Variants in LAMB2 observed in about 807,000 individuals in gnomAD.
LAMB2 encodes the protein laminin subunit beta 2, also known as laminin subunit beta-2.
Under a neutral mutation model 202.7 loss-of-function variants are expected in LAMB2, and 119 were observed. The ratio of observed to expected loss-of-function variants is 0.59; its 90% CI spans 0.51 to 0.68. LAMB2 has a LOEUF of 0.68. Ranked by LOEUF, LAMB2 falls within the 30% of genes least tolerant of loss-of-function variation. The probability of loss-of-function intolerance (pLI) is 0.00; values close to 1 mark genes in which losing one functional copy is unlikely to be tolerated. For missense variants in LAMB2, 2,124 were observed against 2,410.6 expected, an observed-to-expected ratio of 0.88 and a Z score of 2.49; for synonymous variants, 818 against 902.2, an observed-to-expected ratio of 0.91 and a Z score of 1.67.
chr3:49,130,924 T>G lies in LAMB2; in HGVS notation c.915+26A>C, dbSNP rs752745835. 1 of 1,614,142 alleles carries G rather than the reference T, an allele frequency of 6.2e-7. No homozygotes were observed. Among genetic ancestry groups the G allele is most frequent in the South Asian group, 1.1e-5 (1 of 91,092 alleles). ...CCATGTCCGCCCCTGCCCCTAGCCC[T>G]ATCCCAACCGTCTGAAGCCCCTTAC... On this transcript the variant is annotated intron_variant, in intron 7 of 31. Coordinates refer to ENST00000305544, the MANE Select transcript of LAMB2 (RefSeq NM_002292.4). The surrounding 1 kb of genome is among the most constrained non-coding windows in gnomAD (Gnocchi z 5.0).
chr3:49,132,709 G>T lies in LAMB2; in HGVS notation c.77-46C>A. 1 of 1,613,812 alleles carries T rather than the reference G, an allele frequency of 6.2e-7. No individual in the cohort carries two copies. The highest frequency in any genetic ancestry group is 8.5e-7 in the Non-Finnish European group (1 of 1,179,740). The stretch of plus-strand genomic sequence containing the variant: ...AGTTCCGCTGAGTTCCTATCCAGTG[G>T]CTCCACCTCATGTGCCCCAAGGGCA... On this transcript the variant is annotated intron_variant, in intron 1 of 31. Transcript: ENST00000305544. The surrounding 1 kb of genome is among the most constrained non-coding windows in gnomAD (Gnocchi z 4.6).
chr3:49,129,409 G>T lies in LAMB2; in HGVS notation c.1519-85C>A. 7.9e-7 allele frequency: 1 copy of T among 1,272,748 alleles called. No homozygotes were observed. The highest frequency in any genetic ancestry group is 1.3e-5 in the South Asian group (1 of 79,594). The allele number at this position is 1,272,748 out of a possible 1,614,324, so 78.8% of individuals were successfully genotyped here. On this transcript the variant is annotated intron_variant, in intron 11 of 31. Coordinates refer to ENST00000305544, the MANE Select transcript of LAMB2 (RefSeq NM_002292.4). The surrounding 1 kb of genome is among the most constrained non-coding windows in gnomAD (Gnocchi z 6.1). ...CAGGAAATCCCAACCACACGTCTTA[G>T]CCTCAATCACCCCTCAGTGAAAACA... is the stretch of plus-strand genomic sequence containing the variant.
intron 15 of LAMB2, 134 bp from the exon 16 acceptor site, chr3:49,126,631 C>A: frequency 9.1e-7 from 1 of 1,103,472 alleles, no homozygotes; most frequent in Non-Finnish European, 1.3e-6. Context: ...CGTTGGGCTG[C>A]GCTAGGCCAA....
At position 49,122,022 on chromosome 3, in the gene LAMB2, C is replaced by G. The variant is rs972113910; in HGVS notation, c.4845G>C (p.Gln1615His). ...CACCCTGGGCAATACCCTGTGCCCG[C>G]TGGGCCTCCTCCAGTGCTGCCTGTA... ...ETVQAALEEA[Q>H]RAQGIAQGAI... Residue 1615 changes from glutamine to histidine, a missense_variant, in exon 29 of 32, where the codon CAG becomes CAC. By Grantham distance (24) the Gln-to-His change is conservative. This residue lies in a region of LAMB2 where 1,702 missense variants were observed against 1,896.3 expected (regional missense o/e 0.90). Transcript: ENST00000305544. 9 of 1,613,720 alleles carry G rather than the reference C, an allele frequency of 5.6e-6. No homozygotes were observed. Among genetic ancestry groups the G allele is most frequent in the South Asian group, 3.3e-5 (3 of 91,092 alleles).
Position 49,123,359 on chromosome 3 carries a change from T to C in LAMB2, c.3997A>G (p.Ile1333Val). Residue 1333 changes from isoleucine (I) to valine (V), a missense_variant, in exon 26 of 32, where the codon ATC (isoleucine) becomes GTC (valine). By Grantham distance (29) the Ile-to-Val change is conservative (BLOSUM62 3). Transcript: ENST00000305544. ...GCAGACTGGCTATGGGCATGCCGGA[T>C]GCTGTCATAGGCACCTAAATTGGGC... ...HSNFLGAYDS[I>V]RHAHSQSAEA... The C allele has an allele frequency of 6.2e-7, 1 of 1,614,012 alleles. No individual in the cohort carries two copies. The highest frequency in any genetic ancestry group is 1.1e-5 in the South Asian group (1 of 91,084).
chr3:49,123,685 G>A (rs1447804487), intron 24 of LAMB2, 43 bp downstream of exon 24: 4 of 1,613,702 alleles, frequency 2.5e-6, no homozygotes, highest in Non-Finnish European at 3.4e-6. Flanking sequence ...GGTCCACTGG[G>A]CCTCTGCCCC....
At chr3:49,125,511 A>ACCCCCTCCCCTGGCTCTG in intron 18 of LAMB2, 27 bp from the exon 19 acceptor site, 1 of 1,472,772 alleles carries the variant, frequency 6.8e-7, no homozygotes, top group Non-Finnish European at 9.3e-7. Context: ...GCTGAGCCAG[A>ACCCCCTCCCCTGGCTCTG]GCCAGGGGAG....
Position 49,124,117 on chromosome 3 carries a change from A to T in LAMB2, c.3425-17T>A. 1 of 1,614,166 alleles carries T rather than the reference A, an allele frequency of 6.2e-7. No homozygotes were observed. The highest frequency in any genetic ancestry group is 8.5e-7 in the Non-Finnish European group (1 of 1,180,036). On this transcript the variant is annotated splice_polypyrimidine_tract_variant and intron_variant, in intron 23 of 31. Coordinates refer to ENST00000305544, the MANE Select transcript of LAMB2 (RefSeq NM_002292.4). Reference sequence around the variant, plus strand: ...AATCACAGGCTGCAAGAAAGAGCAGAGCACAGAGTTAGGGTCACTGTGGGG... The same window carrying T: ...AATCACAGGCTGCAAGAAAGAGCAGTGCACAGAGTTAGGGTCACTGTGGGG...
chr3:49,131,022 G>A lies in LAMB2; in HGVS notation c.843C>T (p.Gly281=), dbSNP rs2107644231. 3 of 1,614,004 alleles carry A rather than the reference G, an allele frequency of 1.9e-6. No individual in the cohort carries two copies. Among genetic ancestry groups the A allele is most frequent in the Non-Finnish European group, 2.5e-6 (3 of 1,180,032 alleles). ...AGGCGTGTCCGTAGCAGAAGCAGTT[G>A]CCACGTACAACCAGCTCATAGAGGG... The part of the protein sequence containing the change: ...YYALYELVVR[G]NCFCYGHASE... The change falls in exon 7 of 32, where the codon GGC becomes GGT. Residue 281 remains glycine (G), a synonymous_variant. Coordinates refer to ENST00000305544, the MANE Select transcript of LAMB2 (RefSeq NM_002292.4). The surrounding 1 kb of genome is among the most constrained non-coding windows in gnomAD (Gnocchi z 5.0).
Position 49,124,874 on chromosome 3 carries a change from G to A in LAMB2, c.2936C>T (p.Pro979Leu). 1.2e-6 allele frequency: 2 copies of A among 1,614,082 alleles called. No individual in the cohort carries two copies. Among genetic ancestry groups the A allele is most frequent in the South Asian group, 2.2e-5 (2 of 91,084 alleles). Residue 979 changes from proline (P) to leucine (L), a missense_variant, in exon 21 of 32, where the codon CCA becomes CTA. This residue lies in a region of LAMB2 where 1,702 missense variants were observed against 1,896.3 expected (regional missense o/e 0.90). Transcript: ENST00000305544. ...APGHFGDPSR[P>L]GGRCQLCECS... ...CTCACACAGTTGGCACCGGCCACCTGGCCTTGATGGGTCCCCAAAGTGCCC... is the reference window on the plus strand; with the variant it reads ...CTCACACAGTTGGCACCGGCCACCTAGCCTTGATGGGTCCCCAAAGTGCCC...
chr3:49,132,505 C>A lies in LAMB2; in HGVS notation c.235G>T (p.Val79Phe). The A allele has an allele frequency of 6.2e-7, 1 of 1,613,936 alleles. No individual in the cohort carries two copies. The highest frequency in any genetic ancestry group is 8.5e-7 in the Non-Finnish European group (1 of 1,180,008). Residue 79 changes from valine to phenylalanine, a missense_variant, in exon 2 of 32, where the codon GTC becomes TTC. Val to Phe is a conservative substitution (Grantham distance 50, BLOSUM62 -1). Coordinates refer to ENST00000305544, the MANE Select transcript of LAMB2 (RefSeq NM_002292.4). This position sits in a 1 kb window ranked among gnomAD's most constrained non-coding sequence, Gnocchi z 4.6. Reference protein sequence around the residue: ...GLNGPQPYCIVSHLQDEKKCF... With the variant: ...GLNGPQPYCIFSHLQDEKKCF... The stretch of plus-strand genomic sequence containing the variant: ...CCCAGCCACACCTGCAGGTGACTGA[C>A]GATGCAGTAGGGCTGGGGGCCATTC...
chr3:49,126,417 C>G lies in LAMB2; in HGVS notation c.2099G>C (p.Gly700Ala), dbSNP rs142860588. ...KLHLKLVRTG[G>A]SAQPETPYSG... ...GTAGGGAGTCTCAGGCTGGGCACTT[C>G]CCCCTGTCCGTACCAGCTTCAGATG... Residue 700 changes from glycine (G) to alanine (A), a missense_variant, in exon 16 of 32, where the codon GGA becomes GCA. Gly to Ala is a moderately conservative substitution (Grantham distance 60). Coordinates refer to ENST00000305544, the MANE Select transcript of LAMB2 (RefSeq NM_002292.4). 6.2e-6 allele frequency: 10 copies of G among 1,614,038 alleles called. No homozygotes were observed. The Admixed American group carries it at 8.3e-5, about 13-fold the overall frequency.
In LAMB2 at chr3:49,121,750, A is replaced by G; in HGVS notation, c.5034T>C (p.Ser1678=). Reference sequence around the variant, plus strand: ...TTTCTTCTGCTGTAGAGGCTGCCAGACTATTTCCTGCCCGTTTCAATTTCA... The same window carrying G: ...TTTCTTCTGCTGTAGAGGCTGCCAGGCTATTTCCTGCCCGTTTCAATTTCA... The part of the protein sequence containing the change: ...EALKLKRAGN[S]LAASTAEETA... Residue 1678 remains serine, a synonymous_variant, in exon 30 of 32, where the codon AGT becomes AGC. Coordinates refer to ENST00000305544, the MANE Select transcript of LAMB2 (RefSeq NM_002292.4). 1 of 1,613,724 alleles carries G rather than the reference A, an allele frequency of 6.2e-7. No homozygotes were observed.
At position 49,121,478 on chromosome 3, in the gene LAMB2, G is replaced by C. The variant is rs774216450; in HGVS notation, c.5215C>G (p.Arg1739Gly). ...TCCTGAGCGGCTTGCAACAGGTCCC[G>C]AGCCTCATCCCGCAGTTGTTCTGCC... is the stretch of plus-strand genomic sequence containing the variant. ...ARAEQLRDEA[R>G]DLLQAAQDKL... The change falls in exon 31 of 32, where the codon CGG becomes GGG. Residue 1739 changes from arginine (R) to glycine (G), a missense_variant. Arg to Gly is a moderately radical substitution (Grantham distance 125). Around this residue, in one of 3 missense-constraint regions of LAMB2, gnomAD observed 1,702 missense variants for 1,896.3 expected, o/e 0.90. Transcript: ENST00000305544. 22 of 1,613,914 alleles carry C rather than the reference G, an allele frequency of 1.4e-5. No individual in the cohort carries two copies. The highest frequency in any genetic ancestry group is 1.7e-5 in the Non-Finnish European group (20 of 1,180,048).
At position 49,132,533 on chromosome 3, in the gene LAMB2, G is replaced by A. The variant is rs762188447; in HGVS notation, c.207C>T (p.Gly69=). ...ADRLTASSTC[G]LNGPQPYCIV... is the part of the protein sequence containing the mutation. The stretch of plus-strand genomic sequence containing the variant: ...TGCAGTAGGGCTGGGGGCCATTCAG[G>A]CCACAAGTGGATGAGGCAGTCAGTC... The change falls in exon 2 of 32, where the codon GGC becomes GGT. Residue 69 remains glycine, a synonymous_variant. Transcript: ENST00000305544. The surrounding 1 kb of genome is among the most constrained non-coding windows in gnomAD (Gnocchi z 4.6). The A allele has an allele frequency of 1.9e-6, 3 of 1,613,588 alleles. No homozygotes were observed. Among genetic ancestry groups the A allele is most frequent in the Admixed American group, 3.3e-5 (2 of 60,016 alleles).
intron 18 of LAMB2, 117 bp from the exon 19 acceptor site, chr3:49,125,601 T>C: frequency 7.1e-7 from 1 of 1,405,956 alleles, no homozygotes; most frequent in African/African-American, 1.4e-5. Flanking sequence ...GGTCAGGAAA[T>C]GGAAGAGAAC....
In LAMB2 at chr3:49,131,312, T is replaced by TACTGAGGCCCCAAATAGTC; in HGVS notation, c.712+48_712+66dup. On this transcript the variant is annotated intron_variant, in intron 6 of 31. Coordinates refer to ENST00000305544, the MANE Select transcript of LAMB2 (RefSeq NM_002292.4). The surrounding 1 kb of genome is among the most constrained non-coding windows in gnomAD (Gnocchi z 5.0). ...TGCCCTAGGAAGCACCCAAAATAGT[T>TACTGAGGCCCCAAATAGTC]ACTGAGGCCCCAAATAGTCCCTAGC... 6.4e-7 allele frequency: 1 copy of TACTGAGGCCCCAAATAGTC among 1,567,564 alleles called. No individual in the cohort carries two copies. Among genetic ancestry groups the TACTGAGGCCCCAAATAGTC allele is most frequent in the Non-Finnish European group, 8.8e-7 (1 of 1,141,272 alleles).
chr3:49,131,097 TC>T lies in LAMB2; in HGVS notation c.767del (p.Gly256GlufsTer114), dbSNP rs1351442179. The T allele has an allele frequency of 6.8e-6, 11 of 1,613,646 alleles. No individual in the cohort carries two copies. The highest frequency in any genetic ancestry group is 9.3e-6 in the Non-Finnish European group (11 of 1,180,040). ...CCCTCCGTGGGTCGAGTAGGTTGTC[TC>T]CCAACGTGTGTAGACGAGTCAGGTT... ...RVNLTRLHTL[G>X]DNLLDPRREI... On this transcript the variant is annotated frameshift_variant, in exon 7 of 32. Coordinates refer to ENST00000305544, the MANE Select transcript of LAMB2 (RefSeq NM_002292.4). LOFTEE classifies it high-confidence loss of function. This position sits in a 1 kb window ranked among gnomAD's most constrained non-coding sequence, Gnocchi z 5.0.
intron 18 of LAMB2, 41 bp from the exon 19 acceptor site, chr3:49,125,525 G>T: frequency 2.1e-6 from 3 of 1,424,666 alleles, no homozygotes; most frequent in Non-Finnish European, 2.9e-6. Context: ...AGGGGAGGGG[G>T]TCTGAGGGGA....
Sources: gnomAD v4.1 joint callset for allele counts on GRCh38, gnomAD v4.1.1 for gene constraint, gnomAD v4.1.1 regional missense constraint, Gnocchi (gnomAD v3.1) non-coding constraint, MANE v1.5 for transcripts, NCBI Gene and HGNC (gene_info 2026-07-23, HGNC 2026-07-21) for gene names.